The following NTM variants were observed in gnomAD, a reference collection of about 807,000 sequenced individuals.
NTM encodes IgLON family member 2.
A neutral mutation model predicts 42.1 loss-of-function variants in NTM; 13 were observed. The ratio of observed to expected loss-of-function variants is 0.31; its 90% CI spans 0.20 to 0.49. NTM has a LOEUF of 0.49. NTM is among the 20% of genes least tolerant of loss of function. The pLI is 0.99. For synonymous variants in NTM, 187 were observed against 179.2 expected, an observed-to-expected ratio of 1.04 and a Z score of -0.35; for missense variants, 373 against 452.8, an observed-to-expected ratio of 0.82 and a Z score of 1.60.
chr11:131,662,875 T>C (rs1018018260), intron 1 of NTM, among the ~76,000 whole-genome samples: 1 of 152,120 alleles, frequency 6.6e-6, no homozygotes, highest in African/African-American at 2.4e-5. Flanking sequence ...TCCCTCAGAA[T>C]TTCCCATTAA....
intron 1 of NTM, among the ~76,000 whole-genome samples, chr11:131,568,117 T>G (rs2057077649): frequency 6.6e-6 from 1 of 152,212 alleles, no homozygotes; most frequent in African/African-American, 2.4e-5. Flanking sequence ...TCTGTTTCAG[T>G]GGTAAGGAAA....
intron 1 of NTM, among the ~76,000 whole-genome samples, chr11:131,696,214 T>C (rs1443204304): frequency 6.6e-6 from 1 of 152,138 alleles, no homozygotes; most frequent in African/African-American, 2.4e-5. Context: ...GGGTGTTCAT[T>C]GTCACGTGAT....
intron 1 of NTM, among the ~76,000 whole-genome samples, chr11:131,620,061 C>T (rs1336141867): frequency 2.6e-5 from 4 of 152,072 alleles, no homozygotes; most frequent in Non-Finnish European, 4.4e-5. Flanking sequence ...CCTCAGCCTC[C>T]CAAAGTGTTG....
intron 1 of NTM, among the ~76,000 whole-genome samples, chr11:131,419,454 T>C (rs1468778383): frequency 2.6e-5 from 4 of 152,068 alleles, no homozygotes; most frequent in Admixed American, 2.0e-4. Flanking sequence ...AGAGGACACC[T>C]AGGCTGAGGC....
intron 4 of NTM, among the ~76,000 whole-genome samples, chr11:132,232,087 G>A (rs372375926): frequency 6.6e-6 from 1 of 152,290 alleles, no homozygotes; most frequent in Admixed American, 6.5e-5. Flanking sequence ...AAAACTTCAC[G>A]TTGCGTTGTT....
chr11:131,976,707 G>A (rs557937931), intron 2 of NTM, among the ~76,000 whole-genome samples: 38 of 152,180 alleles, frequency 2.5e-4, no homozygotes, highest in African/African-American at 8.4e-4. Context: ...CATAGGTCAC[G>A]GACAGACTCA....
At chr11:131,968,278 C>G (rs533818313) in intron 2 of NTM, among the ~76,000 whole-genome samples, 5 of 152,232 alleles carry the variant, frequency 3.3e-5, no homozygotes, top group Non-Finnish European at 7.4e-5. Context: ...AATTTGTGAG[C>G]GGAGGTCTGC....
At chr11:131,615,884 G>T (rs1466884032) in intron 1 of NTM, among the ~76,000 whole-genome samples, 1 of 152,238 alleles carries the variant, frequency 6.6e-6, no homozygotes, top group African/African-American at 2.4e-5. Flanking sequence ...CATGGTTGAG[G>T]CCAGTGAACA....
At chr11:132,019,418 C>T (rs1406993830) in intron 2 of NTM, among the ~76,000 whole-genome samples, 1 of 151,874 alleles carries the variant, frequency 6.6e-6, no homozygotes, top group Non-Finnish European at 1.5e-5. Context: ...ATTGAAATCT[C>T]CAACTTTAAA....
At chr11:131,640,518 G>T (rs1357557267) in intron 1 of NTM, among the ~76,000 whole-genome samples, 1 of 151,916 alleles carries the variant, frequency 6.6e-6, no homozygotes, top group Non-Finnish European at 1.5e-5. Flanking sequence ...TTTTTTTCTT[G>T]CTAATGAGGC....
At chr11:131,733,612 T>C (rs556816289) in intron 1 of NTM, among the ~76,000 whole-genome samples, 1 of 152,148 alleles carries the variant, frequency 6.6e-6, no homozygotes, top group Admixed American at 6.5e-5. Context: ...ACTGGCTCAC[T>C]GCAACCTCTG....
At chr11:131,551,450 G>A (rs1428940780) in intron 1 of NTM, among the ~76,000 whole-genome samples, 1 of 150,796 alleles carries the variant, frequency 6.6e-6, no homozygotes, top group Non-Finnish European at 1.5e-5. Context: ...CGATTGCAAT[G>A]AACCTGGTAT....
At position 131,669,257 on chromosome 11, in the gene NTM, T is replaced by C. The variant is rs139615176; in HGVS notation, c.83-242307T>C. Among the ~76,000 whole-genome samples the C allele has an allele frequency of 1.7e-3, 265 of 151,986 alleles. 1 individual carries two copies. The highest frequency in any genetic ancestry group is 6.3e-3 in the African/African-American group (259 of 41,434). ...CTGGCATGTTAAAGGGGGTCAGAGATCAAAACCATGGAGGAAATAGAGGTT... is the reference window on the plus strand; with the variant it reads ...CTGGCATGTTAAAGGGGGTCAGAGACCAAAACCATGGAGGAAATAGAGGTT... On this transcript the variant is annotated intron_variant, in intron 1 of 8. Transcript: ENST00000683400.
chr11:132,242,749 G>A (rs182092146), intron 4 of NTM, among the ~76,000 whole-genome samples: 2 of 152,110 alleles, frequency 1.3e-5, no homozygotes, highest in Non-Finnish European at 2.9e-5. Context: ...TTAGACTTTG[G>A]CCGAACTTTG....
At chr11:131,547,818 A>T (rs1208155792) in intron 1 of NTM, among the ~76,000 whole-genome samples, 7 of 152,166 alleles carry the variant, frequency 4.6e-5, no homozygotes, top group Admixed American at 4.6e-4. Flanking sequence ...CTGCACATCA[A>T]TCTTATCTCC....
intron 2 of NTM, among the ~76,000 whole-genome samples, chr11:131,961,597 G>A (rs1218533100): frequency 6.6e-6 from 1 of 152,172 alleles, no homozygotes; most frequent in Non-Finnish European, 1.5e-5. Flanking sequence ...ACTCTGGAAG[G>A]CCTAGCACAT....
chr11:131,530,762 T>C (rs549316994), intron 1 of NTM, among the ~76,000 whole-genome samples: 1 of 151,962 alleles, frequency 6.6e-6, no homozygotes, highest in Admixed American at 6.6e-5. Context: ...TGACCCTAAC[T>C]CCCTCCCCTC....
At chr11:131,754,643 A>G (rs540628327) in intron 1 of NTM, among the ~76,000 whole-genome samples, 7 of 150,824 alleles carry the variant, frequency 4.6e-5, no homozygotes, top group Middle Eastern at 3.5e-3. Flanking sequence ...AAAAAATGCT[A>G]AACACACAAC....
intron 1 of NTM, among the ~76,000 whole-genome samples, chr11:131,859,798 G>A (rs1051839471): frequency 6.6e-6 from 1 of 152,020 alleles, no homozygotes; most frequent in Non-Finnish European, 1.5e-5. Context: ...GGATGATGTC[G>A]ATTATGATAG....
Sources: gnomAD v4.1 joint callset for allele counts (sites outside exome capture counted in the v4.1 genomes callset) on GRCh38, gnomAD v4.1.1 for gene constraint, MANE v1.5 for transcripts, NCBI Gene and HGNC (gene_info 2026-07-23, HGNC 2026-07-21) for gene names.